The following NCALD variants were observed in gnomAD, a reference collection of about 807,000 sequenced individuals.
NCALD encodes the protein neurocalcin-delta.
NCALD carries 10 observed loss-of-function variants against 18.6 expected under a neutral mutation model. That is an observed-to-expected ratio of 0.54 (90% CI 0.33 to 0.91). The LOEUF (loss-of-function observed/expected upper bound fraction) is 0.91, where lower values mean the gene tolerates loss of function less well. NCALD is among the 40% of genes least tolerant of loss of function. The probability of loss-of-function intolerance (pLI) is 0.03; values close to 1 mark genes in which losing one functional copy is unlikely to be tolerated. For synonymous variants in NCALD, 88 were observed against 87.4 expected, an observed-to-expected ratio of 1.01 and a Z score of -0.04; for missense variants, 184 against 247.6, an observed-to-expected ratio of 0.74 and a Z score of 1.72.
At chr8:101,836,812 T>C (rs1251999639) in intron 4 of NCALD, among the ~76,000 whole-genome samples, 1 of 152,150 alleles carries the variant, frequency 6.6e-6, no homozygotes, top group African/African-American at 2.4e-5. Flanking sequence ...ATCCCCTAAT[T>C]CTCTGTTTGT....
intron 4 of NCALD, among the ~76,000 whole-genome samples, chr8:101,871,572 A>ATTCAGAT (rs1232513584): frequency 7.3e-6 from 1 of 136,676 alleles, no homozygotes; most frequent in Non-Finnish European, 1.5e-5. Context: ...ATCCTCTGGA[A>ATTCAGAT]TTCAGATTTT....
intron 2 of NCALD, among the ~76,000 whole-genome samples, chr8:101,917,178 A>G (rs1441285389): frequency 1.3e-5 from 2 of 152,130 alleles, no homozygotes; most frequent in Non-Finnish European, 2.9e-5. Flanking sequence ...AAAAATAGAA[A>G]TAAACTCCAA....
intron 1 of NCALD, among the ~76,000 whole-genome samples, chr8:102,023,685 G>A (rs1269651350): frequency 6.6e-6 from 1 of 152,194 alleles, no homozygotes; most frequent in Non-Finnish European, 1.5e-5. Context: ...TTCAAGCTAG[G>A]AAAGGGGCTT....
At chr8:101,855,197 C>T (rs1321677786) in intron 4 of NCALD, among the ~76,000 whole-genome samples, 2 of 152,162 alleles carry the variant, frequency 1.3e-5, no homozygotes, top group Admixed American at 6.5e-5. Context: ...AGAGGGAGTA[C>T]ACCCTCTTCT....
At chr8:102,124,246 C>T (rs936861689) in exon 1 of NCALD, 2 of 151,880 alleles carry the variant, frequency 1.3e-5, no homozygotes, top group Non-Finnish European at 2.9e-5. Context: ...CCGCCTCGGC[C>T]GCTCCCAGCG....
chr8:101,850,078 G>T (rs1298400071), intron 4 of NCALD, among the ~76,000 whole-genome samples: 1 of 152,190 alleles, frequency 6.6e-6, no homozygotes, highest in Non-Finnish European at 1.5e-5. Flanking sequence ...GTCTAGCTCT[G>T]CCGGGTGTTA....
chr8:101,814,736 AC>A (rs1813430476), intron 4 of NCALD, among the ~76,000 whole-genome samples: 2 of 152,122 alleles, frequency 1.3e-5, no homozygotes, highest in Non-Finnish European at 2.9e-5. Context: ...AAACTCCTGT[AC>A]TAATAAGGGA....
At chr8:101,770,708 A>G (rs1489093147) in intron 1 of NCALD, among the ~76,000 whole-genome samples, 1 of 152,238 alleles carries the variant, frequency 6.6e-6, no homozygotes, top group Non-Finnish European at 1.5e-5. Flanking sequence ...CTCAAGGCAC[A>G]GGGCAGAGAC....
chr8:101,703,640 T>G (rs1180921642), intron 2 of NCALD, among the ~76,000 whole-genome samples: 1 of 152,214 alleles, frequency 6.6e-6, no homozygotes, highest in Non-Finnish European at 1.5e-5. Flanking sequence ...GGCCCCAGCT[T>G]AATGCCTTGA....
chr8:102,107,702 A>C (rs1825518432), intron 1 of NCALD, among the ~76,000 whole-genome samples: 1 of 152,188 alleles, frequency 6.6e-6, no homozygotes. Flanking sequence ...AGAATTTAGA[A>C]TGTATTCTCC....
chr8:101,881,403 A>G (rs1482246105), intron 4 of NCALD, among the ~76,000 whole-genome samples: 1 of 152,226 alleles, frequency 6.6e-6, no homozygotes, highest in Admixed American at 6.5e-5. Context: ...ACCGCCGATA[A>G]TATGGGAACA....
At chr8:101,707,775 G>A (rs1213763875) in intron 2 of NCALD, among the ~76,000 whole-genome samples, 1 of 152,148 alleles carries the variant, frequency 6.6e-6, no homozygotes, top group African/African-American at 2.4e-5. Flanking sequence ...GGCTGAGGCA[G>A]GAGAATCTCT....
intron 1 of NCALD, among the ~76,000 whole-genome samples, chr8:102,068,031 C>G (rs1824063706): frequency 6.6e-6 from 1 of 152,180 alleles, no homozygotes; most frequent in Non-Finnish European, 1.5e-5. Flanking sequence ...GCTGTGTCTT[C>G]CAGTGTTTCA....
intron 4 of NCALD, among the ~76,000 whole-genome samples, chr8:101,857,294 G>A (rs1204159935): frequency 2.0e-5 from 3 of 151,980 alleles, no homozygotes; most frequent in Non-Finnish European, 2.9e-5. Flanking sequence ...GACCTATTTG[G>A]GAGCACAATT....
rs113545700 is a variant in NCALD at position 101,809,639 on chromosome 8, C to T, written c.-20+77502G>A. 5.7e-3 allele frequency among the ~76,000 whole-genome samples: 874 copies of T among 152,198 alleles called. 11 individuals are homozygous for T. The highest frequency in any genetic ancestry group is 0.018 in the African/African-American group (766 of 41,532). ...TCAGTTCACTGCAAACTTCATCCCC[C>T]GGGTTGCAGTGATTCTCCTGCCTCA... On this transcript the variant is annotated intron_variant, in intron 4 of 6. Coordinates refer to the NCALD transcript ENST00000311028.
At chr8:101,902,672 T>G (rs1817478130) in intron 3 of NCALD, among the ~76,000 whole-genome samples, 1 of 152,226 alleles carries the variant, frequency 6.6e-6, no homozygotes, top group Non-Finnish European at 1.5e-5. Flanking sequence ...ACGCCAGCCC[T>G]ACTCATCTTA....
At chr8:101,700,918 G>C (rs1403902109) in intron 2 of NCALD, among the ~76,000 whole-genome samples, 1 of 152,236 alleles carries the variant, frequency 6.6e-6, no homozygotes, top group East Asian at 1.9e-4. Flanking sequence ...CACCACGTCT[G>C]AGTGTGTTGT....
chr8:101,871,380 G>A (rs932100201), intron 4 of NCALD, among the ~76,000 whole-genome samples: 1 of 152,074 alleles, frequency 6.6e-6, no homozygotes, highest in African/African-American at 2.4e-5. Flanking sequence ...AGCTGACTTG[G>A]CTCCTAACAT....
chr8:102,074,399 T>G (rs995121380), intron 1 of NCALD, among the ~76,000 whole-genome samples: 3 of 152,172 alleles, frequency 2.0e-5, no homozygotes, highest in African/African-American at 7.2e-5. Context: ...CTAATAGCAA[T>G]CCACCCTCTG....
Sources: allele counts gnomAD v4.1 joint callset (sites outside exome capture counted in the v4.1 genomes callset), GRCh38; gene constraint gnomAD v4.1.1; transcripts MANE v1.5; gene names NCBI Gene and HGNC (gene_info 2026-07-23, HGNC 2026-07-21).